Variants in BNC2 observed in about 807,000 individuals in gnomAD.
The protein encoded by BNC2 is basonuclin zinc finger protein 2, also known as zinc finger protein basonuclin-2.
In BNC2, 20 loss-of-function variants were observed where a neutral mutation model predicts 76.3. The observed-to-expected ratio is 0.26, with a 90% CI of 0.18 to 0.38. The LOEUF is 0.38. BNC2 is among the 10% of genes least tolerant of loss of function. The pLI, the probability that BNC2 is intolerant of heterozygous loss-of-function variation, is 1.00. For synonymous variants in BNC2, 582 were observed against 514.8 expected, an observed-to-expected ratio of 1.13 and a Z score of -1.77; for missense variants, 1,382 against 1,399.8, an observed-to-expected ratio of 0.99 and a Z score of 0.20.
intron 4 of BNC2, among the ~76,000 whole-genome samples, chr9:16,573,097 G>A (rs187628056): frequency 5.5e-4 from 84 of 151,684 alleles, no homozygotes; most frequent in Non-Finnish European, 7.2e-4. Context: ...GCGTGGTAGC[G>A]CACACCTGTG....
Position 16,409,860 on chromosome 9 carries a change from A to T in BNC2, c.*9129T>A, listed in dbSNP as rs1820423661. 1 of 152,654 alleles carries T rather than the reference A, an allele frequency of 6.6e-6. No homozygotes were observed. The highest frequency in any genetic ancestry group is 2.1e-4 in the South Asian group (1 of 4,826). 9.5% of individuals were successfully genotyped at this position (152,654 alleles called of 1,614,324 possible). On this transcript the variant is annotated 3_prime_UTR_variant, in exon 7 of 7. Coordinates refer to ENST00000380672, the MANE Select transcript of BNC2 (RefSeq NM_017637.6). ...TTGGTGCAGTTACCTTTTGAAGTAC[A>T]GACTTTGATTCTGCGGCAGGCTTAT...
At chr9:16,451,494 G>GA (rs1821339096) in intron 5 of BNC2, among the ~76,000 whole-genome samples, 1 of 151,108 alleles carries the variant, frequency 6.6e-6, no homozygotes, top group African/African-American at 2.5e-5. Context: ...CCTGGCATCT[G>GA]AAGTCCCCTC....
intron 3 of BNC2, among the ~76,000 whole-genome samples, chr9:16,688,326 T>G (rs1013610806): frequency 6.6e-5 from 10 of 152,158 alleles, no homozygotes; most frequent in Non-Finnish European, 1.3e-4. Context: ...ATTCCACCTT[T>G]TGATTTAGAA....
chr9:16,546,415 C>T (rs1440736607), intron 5 of BNC2, among the ~76,000 whole-genome samples: 1 of 152,210 alleles, frequency 6.6e-6, no homozygotes, highest in East Asian at 1.9e-4. Flanking sequence ...AAGACTACTT[C>T]ATCTCTCTTC....
chr9:16,823,597 T>C (rs1487154564), intron 1 of BNC2, among the ~76,000 whole-genome samples: 1 of 150,980 alleles, frequency 6.6e-6, no homozygotes, highest in African/African-American at 2.4e-5. Flanking sequence ...AGTGAGATCC[T>C]GTTTCAAAAA....
At position 16,642,490 on chromosome 9, in the gene BNC2, C is replaced by T. The variant is rs1001044179; in HGVS notation, c.331-59405G>A. Reference sequence around the variant, plus strand: ...TTTTCTCCACACTGAGAAAACAACACAAACCATACTACAAAACCACTGACC... The same window carrying T: ...TTTTCTCCACACTGAGAAAACAACATAAACCATACTACAAAACCACTGACC... On this transcript the variant is annotated intron_variant, in intron 3 of 6. Coordinates refer to ENST00000380672, the MANE Select transcript of BNC2 (RefSeq NM_017637.6). Among the ~76,000 whole-genome samples, 3 of 152,158 alleles carry T rather than the reference C, an allele frequency of 2.0e-5. No homozygotes were observed. In the South Asian group the frequency reaches 6.2e-4, roughly 31 times the overall value.
At chr9:16,575,923 C>A (rs1819472158) in intron 4 of BNC2, among the ~76,000 whole-genome samples, 1 of 152,206 alleles carries the variant, frequency 6.6e-6, no homozygotes, top group Non-Finnish European at 1.5e-5. Context: ...ACTAAGTCCA[C>A]TAGAAAGACA....
chr9:16,430,464 AT>A (rs1820887188), intron 6 of BNC2, among the ~76,000 whole-genome samples: 1 of 152,186 alleles, frequency 6.6e-6, no homozygotes, highest in South Asian at 2.1e-4. Flanking sequence ...AATCATGTGT[AT>A]TTACTGAAAA....
intron 3 of BNC2, among the ~76,000 whole-genome samples, chr9:16,639,939 C>A (rs890325851): frequency 6.6e-6 from 1 of 151,960 alleles, no homozygotes; most frequent in Admixed American, 6.6e-5. Context: ...AAAAAAATCT[C>A]CAAAGTGGAT....
chr9:16,607,530 T>C (rs1297373528), intron 3 of BNC2, among the ~76,000 whole-genome samples: 1 of 152,220 alleles, frequency 6.6e-6, no homozygotes, highest in Admixed American at 6.5e-5. Flanking sequence ...AACAATTTTA[T>C]TATATTCTTA....
At chr9:16,612,055 TAAAA>T (rs1461268163) in intron 3 of BNC2, among the ~76,000 whole-genome samples, 34 of 32,090 alleles carry the variant, frequency 1.1e-3, no homozygotes, top group African/African-American at 1.6e-3. Context: ...GATCTAACAC[TAAAA>T]TAAATAACTA....
At chr9:16,444,523 T>C (rs1587034431) in intron 5 of BNC2, among the ~76,000 whole-genome samples, 1 of 152,220 alleles carries the variant, frequency 6.6e-6, no homozygotes, top group East Asian at 1.9e-4. Context: ...ATATACCATC[T>C]AACTTCTGGA....
chr9:16,663,909 G>C (rs1822188209), intron 3 of BNC2, among the ~76,000 whole-genome samples: 1 of 152,090 alleles, frequency 6.6e-6, no homozygotes, highest in Non-Finnish European at 1.5e-5. Context: ...AACTTGCCTA[G>C]AGTCTACCTA....
chr9:16,616,820 A>AAGG (rs754810040), intron 3 of BNC2, among the ~76,000 whole-genome samples: 19,682 of 128,930 alleles, frequency 0.15, 3,319 homozygotes, highest in Non-Finnish European at 0.23. Context: ...AGGAAGGAAG[A>AAGG]AAGGAAGGAA....
intron 3 of BNC2, among the ~76,000 whole-genome samples, chr9:16,623,250 C>T (rs1055216610): frequency 2.0e-5 from 3 of 151,992 alleles, no homozygotes; most frequent in East Asian, 1.9e-4. Flanking sequence ...ATTGAAAGTG[C>T]GGCATACAAG....
chr9:16,599,260 TATTCAAGTA>T (rs1279850375), intron 3 of BNC2, among the ~76,000 whole-genome samples: 1 of 152,188 alleles, frequency 6.6e-6, no homozygotes, highest in Non-Finnish European at 1.5e-5. Context: ...ATGTCAATCA[TATTCAAGTA>T]ATTTGGAGAG....
intron 3 of BNC2, chr9:16,685,544 C>G (rs1266483405): frequency 2.7e-5 from 35 of 1,303,972 alleles, no homozygotes; most frequent in Non-Finnish European, 3.3e-5. Context: ...AAGACTCTAA[C>G]CTGGACTTCC....
chr9:16,684,645 G>C (rs1407684264), intron 3 of BNC2, among the ~76,000 whole-genome samples: 2 of 151,786 alleles, frequency 1.3e-5, no homozygotes, highest in Non-Finnish European at 2.9e-5. Context: ...TGAAAATTTA[G>C]AAAATAAGGC....
chr9:16,531,321 A>C (rs1052542295), intron 5 of BNC2, among the ~76,000 whole-genome samples: 1 of 152,070 alleles, frequency 6.6e-6, no homozygotes, highest in African/African-American at 2.4e-5. Context: ...CTTCTCCTTC[A>C]CATGTGCAAA....
Sources: gnomAD v4.1 joint callset for allele counts (sites outside exome capture counted in the v4.1 genomes callset) on GRCh38, gnomAD v4.1.1 for gene constraint, MANE v1.5 for transcripts, NCBI Gene and HGNC (gene_info 2026-07-23, HGNC 2026-07-21) for gene names.